Variants in PROX1 observed in about 807,000 individuals in gnomAD.
PROX1 encodes the protein prospero homeobox protein 1.
In PROX1, 7 loss-of-function variants were observed where a neutral mutation model predicts 58.8. The observed-to-expected ratio is 0.12, with a 90% confidence interval of 0.07 to 0.22. The LOEUF (loss-of-function observed/expected upper bound fraction) is 0.22. Ranked by LOEUF, PROX1 falls within the 10% of genes least tolerant of loss-of-function variation. The pLI, the probability that PROX1 is intolerant of heterozygous loss-of-function variation, is 1.00. For synonymous variants in PROX1, 350 were observed against 358.3 expected, an observed-to-expected ratio of 0.98 and a Z score of 0.26; for missense variants, 675 against 927.8, an observed-to-expected ratio of 0.73 and a Z score of 3.54.
intron 1 of PROX1, among the ~76,000 whole-genome samples, chr1:213,990,342 A>G (rs1024326107): frequency 3.6e-5 from 5 of 140,184 alleles, no homozygotes; most frequent in South Asian, 2.2e-4. Context: ...GGAGAGGTTT[A>G]TGAATTTATG....
chr1:214,007,026 A>AT (rs1320990531), intron 3 of PROX1, among the ~76,000 whole-genome samples: 1 of 152,190 alleles, frequency 6.6e-6, no homozygotes, highest in Non-Finnish European at 1.5e-5. Flanking sequence ...AGACGTCAAT[A>AT]TTAGAAACAA....
intron 4 of PROX1, among the ~76,000 whole-genome samples, chr1:214,020,691 GCAGCTTTT>G (rs1333135031): frequency 1.2e-4 from 18 of 152,156 alleles, no homozygotes; most frequent in Non-Finnish European, 1.5e-5. Context: ...CATATTATGA[GCAGCTTTT>G]CCAATAGAGT....
chr1:213,991,498 C>T (rs1206808677), intron 1 of PROX1, among the ~76,000 whole-genome samples: 1 of 152,090 alleles, frequency 6.6e-6, no homozygotes, highest in Non-Finnish European at 1.5e-5. Flanking sequence ...GTCATCTATG[C>T]CTATGTTCAT....
intron 4 of PROX1, among the ~76,000 whole-genome samples, chr1:214,034,429 C>T (rs764022699): frequency 1.5e-4 from 23 of 152,098 alleles, no homozygotes; most frequent in Non-Finnish European, 2.5e-4. Flanking sequence ...TGTCCTCATA[C>T]GTCTGCACTT....
chr1:213,998,340 G>A, intron 2 of PROX1, 80 bp downstream of exon 2: 6 of 1,424,074 alleles, frequency 4.2e-6, no homozygotes, highest in Non-Finnish European at 5.6e-6. Context: ...AATATCTAGA[G>A]TAATGTAGAT....
intron 4 of PROX1, among the ~76,000 whole-genome samples, chr1:214,026,786 AG>A (rs1664471955): frequency 1.3e-5 from 2 of 152,152 alleles, no homozygotes. Context: ...AGTCTGTGTG[AG>A]GGGTTTGGCC....
At chr1:214,026,158 T>G (rs1664451756) in intron 4 of PROX1, among the ~76,000 whole-genome samples, 1 of 152,248 alleles carries the variant, frequency 6.6e-6, no homozygotes, top group Admixed American at 6.5e-5. Flanking sequence ...CATATTTGTT[T>G]GTTTGTTTAA....
chr1:213,995,032 A>G lies in PROX1; in HGVS notation c.-67-1437A>G, dbSNP rs544652795. Among the ~76,000 whole-genome samples, 23 of 152,052 alleles carry G rather than the reference A, an allele frequency of 1.5e-4. No homozygotes were observed. The South Asian group carries it at 4.8e-3, about 32-fold the overall frequency. On this transcript the variant is annotated intron_variant, in intron 1 of 4. Transcript: ENST00000366958. ...AGTCATTCTTTAAAGCTAGCCACAG[A>G]TGCAGTCCTAGGGAGCACGTAGATG...
In PROX1 at chr1:214,011,715, G is replaced by T; in HGVS notation, c.2028G>T (p.Glu676Asp). 6.4e-7 allele frequency: 1 copy of T among 1,563,010 alleles called. No homozygotes were observed. Reference sequence around the variant, plus strand: ...ACTACAATAAAGCAAATGACTTTGAGGTAGGAACTAATCTTTATTTTTTGG... The same window carrying T: ...ACTACAATAAAGCAAATGACTTTGATGTAGGAACTAATCTTTATTTTTTGG... Reference protein sequence around the residue: ...NMHYNKANDFEVPERFLEVAQ... With the variant: ...NMHYNKANDFDVPERFLEVAQ... The change falls in exon 4 of 5, where the codon GAG (glutamate) becomes GAT (aspartate). Residue 676 changes from glutamate (E) to aspartate (D), a missense_variant and splice_region_variant. Physicochemically the swap from Glu to Asp is conservative, Grantham distance 45. Around this residue, in one of 8 missense-constraint regions of PROX1, gnomAD observed 50 missense variants for 79.3 expected, o/e 0.63. Transcript: ENST00000366958.
At chr1:214,005,364 T>G in intron 3 of PROX1, 92 bp downstream of exon 3, 1 of 987,136 alleles carries the variant, frequency 1.0e-6, no homozygotes, top group Non-Finnish European at 1.5e-6. Context: ...AATGTGGAAT[T>G]GGTTTATTCC....
chr1:213,998,632 A>G (rs1416752970), intron 2 of PROX1, among the ~76,000 whole-genome samples: 1 of 152,214 alleles, frequency 6.6e-6, no homozygotes, highest in African/African-American at 2.4e-5. Flanking sequence ...GTAAATACTG[A>G]TTGAATTCTC....
In PROX1 at chr1:214,037,800, T is replaced by C. The variant is rs1365939111; in HGVS notation, c.*1966T>C. ...AAAAGCAGTTTGGATAATCATGACATTGGAATAAAGTGGGAAGGAAAAATT... is the reference window on the plus strand; with the variant it reads ...AAAAGCAGTTTGGATAATCATGACACTGGAATAAAGTGGGAAGGAAAAATT... On this transcript the variant is annotated 3_prime_UTR_variant, in exon 5 of 5. Transcript: ENST00000366958. The C allele has an allele frequency of 6.6e-6, 1 of 152,224 alleles. No individual in the cohort carries two copies. The highest frequency in any genetic ancestry group is 1.5e-5 in the Non-Finnish European group (1 of 68,040). 9.4% of individuals were successfully genotyped at this position (152,224 alleles called of 1,614,324 possible). A position where few individuals can be genotyped will look rare whatever the true frequency, so the allele number is the denominator to read the frequency against.
upstream of PROX1, chr1:213,983,706 G>C (rs340878): frequency 0.63 from 96,635 of 152,208 alleles, 30,961 homozygotes; most frequent in East Asian, 0.84. Flanking sequence ...CCCCTTTCTC[G>C]CCGAAGGCAT....
intron 4 of PROX1, among the ~76,000 whole-genome samples, chr1:214,034,928 T>C (rs1664779126): frequency 6.7e-6 from 1 of 150,120 alleles, no homozygotes; most frequent in African/African-American, 2.5e-5. Flanking sequence ...AAGTAGTAAA[T>C]ACTCGAAAAA....
intron 3 of PROX1, among the ~76,000 whole-genome samples, chr1:214,006,009 A>G (rs1205222640): frequency 6.6e-6 from 1 of 151,852 alleles, no homozygotes; most frequent in Non-Finnish European, 1.5e-5. Flanking sequence ...GTTTGCATCA[A>G]CTTGATGTTG....
Position 213,997,521 on chromosome 1 carries a change from G to T in PROX1, c.986G>T (p.Gly329Val), listed in dbSNP as rs1663317523. The T allele has an allele frequency of 6.2e-7, 1 of 1,614,004 alleles. No individual in the cohort carries two copies. Among genetic ancestry groups the T allele is most frequent in the Non-Finnish European group, 8.5e-7 (1 of 1,179,970 alleles). ...EMAENKPKRE[G>V]NNKERDHGPN... ...GCTGAAAACAAGCCGAAGCGAGAAG[G>T]CAACAACAAAGAAAGAGACCATGGG... is the stretch of plus-strand genomic sequence containing the variant. Residue 329 changes from glycine (G) to valine (V), a missense_variant, in exon 2 of 5, where the codon GGC becomes GTC. By Grantham distance (109) the Gly-to-Val change is moderately radical (BLOSUM62 -3). Coordinates refer to ENST00000366958, the MANE Select transcript of PROX1 (RefSeq NM_001270616.2). The surrounding 1 kb of genome is among the most constrained non-coding windows in gnomAD (Gnocchi z 7.1).
Position 213,997,714 on chromosome 1 carries a change from T to G in PROX1, c.1179T>G (p.Phe393Leu). The G allele has an allele frequency of 6.2e-7, 1 of 1,614,100 alleles. No individual in the cohort carries two copies. Among genetic ancestry groups the G allele is most frequent in the South Asian group, 1.1e-5 (1 of 91,064 alleles). ...CTCTCCAGATCCCCCAGGCCAGATT[T>G]GCAGTCAATGGGGAAAACCACAATT... is the stretch of plus-strand genomic sequence containing the variant. Reference protein sequence around the residue: ...FPPLQIPQARFAVNGENHNFH... With the variant: ...FPPLQIPQARLAVNGENHNFH... The change falls in exon 2 of 5, where the codon TTT becomes TTG. Residue 393 changes from phenylalanine to leucine, a missense_variant. Phe to Leu is a conservative substitution (Grantham distance 22, BLOSUM62 0). This residue lies in a region of PROX1 where 403 missense variants were observed against 477.4 expected (regional missense o/e 0.84). Transcript: ENST00000366958. The surrounding 1 kb of genome is among the most constrained non-coding windows in gnomAD (Gnocchi z 7.1).
At chr1:213,994,800 T>A (rs1454296449) in intron 1 of PROX1, among the ~76,000 whole-genome samples, 5 of 120,442 alleles carry the variant, frequency 4.2e-5, no homozygotes, top group South Asian at 2.6e-4. Flanking sequence ...TATATATATA[T>A]ATAAAGAGGT....
At chr1:213,985,958 T>C (rs777740045), upstream of PROX1, 4 of 152,216 alleles carry the variant, frequency 2.6e-5, no homozygotes, top group Admixed American at 6.6e-5. Context: ...CGCTAACTTA[T>C]ATGTACAAAC....
Sources: gnomAD v4.1 joint callset for allele counts (sites outside exome capture counted in the v4.1 genomes callset) on GRCh38, gnomAD v4.1.1 for gene constraint, gnomAD v4.1.1 regional missense constraint, Gnocchi (gnomAD v3.1) non-coding constraint, MANE v1.5 for transcripts, NCBI Gene and HGNC (gene_info 2026-07-23, HGNC 2026-07-21) for gene names.